CAMK1D: variants seen among roughly 807,000 people sequenced by gnomAD.
CAMK1D encodes the protein calcium/calmodulin dependent protein kinase ID, also known as calcium/calmodulin-dependent protein kinase type 1D.
In CAMK1D, 9 loss-of-function variants were observed where a neutral mutation model predicts 47.7. The ratio of observed to expected loss-of-function variants is 0.19; its 90% confidence interval spans 0.11 to 0.33. The LOEUF is 0.33. Among genes scored for constraint, CAMK1D ranks in the 10% least tolerant of loss-of-function variants. CAMK1D has a pLI of 1.00. For synonymous variants in CAMK1D, 184 were observed against 184.9 expected, an observed-to-expected ratio of 0.99 and a Z score of 0.04; for missense variants, 291 against 488.7, an observed-to-expected ratio of 0.60 and a Z score of 3.81.
rs1412908025 is a variant in CAMK1D, at chr10:12,553,371, G to A, written c.224+15G>A. On this transcript the variant is annotated intron_variant, in intron 2 of 10. Transcript: ENST00000619168. ...GTCCTGAGAAAGTAAGTGCTGGAGG[G>A]CAACCCTCCTCCCTTCCCTACCTCC... 2 of 1,587,064 alleles carry A rather than the reference G, an allele frequency of 1.3e-6. No homozygotes were observed. The highest frequency in any genetic ancestry group is 8.7e-7 in the Non-Finnish European group (1 of 1,155,628).
At chr10:12,731,085 G>GA (rs1233139499) in intron 3 of CAMK1D, among the ~76,000 whole-genome samples, 5 of 152,280 alleles carry the variant, frequency 3.3e-5, no homozygotes, top group African/African-American at 1.2e-4. Context: ...GTTTTAATGA[G>GA]AAAAAGTACA....
intron 2 of CAMK1D, among the ~76,000 whole-genome samples, chr10:12,553,817 G>A (rs1437388972): frequency 2.0e-5 from 3 of 152,204 alleles, no homozygotes; most frequent in Non-Finnish European, 4.4e-5. Flanking sequence ...CCACCGCTGT[G>A]AGTACTGTTG....
chr10:12,494,988 G>A (rs746001317), intron 1 of CAMK1D, among the ~76,000 whole-genome samples: 3 of 152,052 alleles, frequency 2.0e-5, no homozygotes, highest in Non-Finnish European at 2.9e-5. Flanking sequence ...AGATCACTGC[G>A]GTCAGAGAGG....
chr10:12,588,358 T>C (rs1564429883), intron 2 of CAMK1D, among the ~76,000 whole-genome samples: 1 of 152,066 alleles, frequency 6.6e-6, no homozygotes, highest in African/African-American at 2.4e-5. Flanking sequence ...ACTAGCTTCA[T>C]CCTTAAGGGC....
intron 2 of CAMK1D, among the ~76,000 whole-genome samples, chr10:12,570,922 G>T (rs1837305023): frequency 6.6e-6 from 1 of 152,098 alleles, no homozygotes; most frequent in South Asian, 2.1e-4. Context: ...CTGCACTCTA[G>T]CCTGGGTGAC....
intron 2 of CAMK1D, among the ~76,000 whole-genome samples, chr10:12,572,790 C>T (rs558782380): frequency 1.1e-3 from 171 of 152,156 alleles, no homozygotes; most frequent in African/African-American, 3.9e-3. Context: ...CCACCATGCA[C>T]GACTAATTTT....
intron 2 of CAMK1D, 100 bp downstream of exon 2, chr10:12,553,456 G>A: frequency 1.1e-6 from 1 of 915,002 alleles, no homozygotes; most frequent in East Asian, 2.5e-5. Context: ...GGGGCAGAGG[G>A]GCCCCCAGAG....
At chr10:12,522,190 CCTTTTTTTTT>C (rs1835439213) in intron 1 of CAMK1D, among the ~76,000 whole-genome samples, 1 of 37,120 alleles carries the variant, frequency 2.7e-5, no homozygotes. Flanking sequence ...TGATATATTT[CCTTTTTTTTT>C]CTTTTTTTTT....
chr10:12,683,852 A>T (rs1832547699), intron 3 of CAMK1D, among the ~76,000 whole-genome samples: 2 of 151,722 alleles, frequency 1.3e-5, no homozygotes, highest in African/African-American at 4.8e-5. Flanking sequence ...CAACCCCTCC[A>T]ATAACCACTT....
chr10:12,805,226 A>G (rs557966111), intron 6 of CAMK1D, among the ~76,000 whole-genome samples: 1 of 151,800 alleles, frequency 6.6e-6, no homozygotes, highest in African/African-American at 2.4e-5. Flanking sequence ...GCCACTGCAC[A>G]CCAGCCTGGC....
intron 1 of CAMK1D, among the ~76,000 whole-genome samples, chr10:12,355,485 T>C (rs956766773): frequency 6.7e-6 from 1 of 149,054 alleles, no homozygotes; most frequent in African/African-American, 2.5e-5. Flanking sequence ...TGCGCGCGCG[T>C]GCGTGTGTAT....
rs1833279775 is a variant in CAMK1D at position 12,827,466 on chromosome 10, CTG to C, written c.1040-1301_1040-1300del. 6.9e-4 allele frequency among the ~76,000 whole-genome samples: 8 copies of C among 11,576 alleles called. 2 individuals carry two copies. The highest frequency in any genetic ancestry group is 1.2e-3 in the African/African-American group (5 of 4,236). 7.6% of individuals were successfully genotyped at this position (11,576 alleles called of 152,430 possible). A position where few individuals can be genotyped will look rare whatever the true frequency, so the allele number is the denominator to read the frequency against. On this transcript the variant is annotated intron_variant, in intron 10 of 10. Coordinates refer to ENST00000619168, the MANE Select transcript of CAMK1D (RefSeq NM_153498.4). ...TTCTTTCTTTCTTTTCTTTCTTTGT[CTG>C]TCTGTCTTTCTTTCTTTCTTTCTTT...
chr10:12,416,769 G>C (rs1839863086), intron 1 of CAMK1D, among the ~76,000 whole-genome samples: 2 of 152,190 alleles, frequency 1.3e-5, no homozygotes, highest in African/African-American at 4.8e-5. Flanking sequence ...CTGTTTTTCC[G>C]GTGGGTTCTG....
intron 1 of CAMK1D, among the ~76,000 whole-genome samples, chr10:12,478,145 A>G (rs372476736): frequency 8.6e-5 from 13 of 151,352 alleles, no homozygotes; most frequent in African/African-American, 3.2e-4. Context: ...AGCTGGGACT[A>G]CAGGTGCCCT....
At chr10:12,685,432 A>G (rs1471306015) in intron 3 of CAMK1D, among the ~76,000 whole-genome samples, 2 of 152,226 alleles carry the variant, frequency 1.3e-5, no homozygotes, top group Admixed American at 6.5e-5. Flanking sequence ...CATCTTTTAC[A>G]AGGACTCAGT....
chr10:12,620,403 G>T (rs937248058), intron 2 of CAMK1D, among the ~76,000 whole-genome samples: 3 of 152,210 alleles, frequency 2.0e-5, no homozygotes, highest in African/African-American at 7.2e-5. Flanking sequence ...GTGAGTGATC[G>T]TTTCTCTGCA....
intron 1 of CAMK1D, among the ~76,000 whole-genome samples, chr10:12,524,080 G>C (rs9423879): frequency 0.014 from 2,191 of 151,956 alleles, 55 homozygotes; most frequent in African/African-American, 0.049. Context: ...TTTTAGTAGA[G>C]ACAGGGTTTC....
intron 1 of CAMK1D, among the ~76,000 whole-genome samples, chr10:12,520,898 C>G (rs199697107): frequency 1.1e-5 from 1 of 89,720 alleles, no homozygotes; most frequent in East Asian, 3.9e-4. Flanking sequence ...AGCTTTGGCT[C>G]GGCATCAGAG....
intron 3 of CAMK1D, among the ~76,000 whole-genome samples, chr10:12,755,128 A>G (rs926255197): frequency 3.3e-5 from 5 of 152,234 alleles, no homozygotes; most frequent in African/African-American, 9.6e-5. Flanking sequence ...AAGAATAAAG[A>G]TTTTAAAAAA....
Sources: gnomAD v4.1 joint callset for allele counts (sites outside exome capture counted in the v4.1 genomes callset) on GRCh38, gnomAD v4.1.1 for gene constraint, MANE v1.5 for transcripts, NCBI Gene and HGNC (gene_info 2026-07-23, HGNC 2026-07-21) for gene names.